The following IAH1 variants were observed in gnomAD, a reference collection of about 807,000 sequenced individuals.
IAH1 encodes isoamyl acetate-hydrolyzing esterase 1 homolog.
A neutral mutation model predicts 26.7 loss-of-function variants in IAH1; 24 were observed. That is an observed-to-expected ratio of 0.90 (90% CI 0.65 to 1.26). The LOEUF (loss-of-function observed/expected upper bound fraction) is 1.26, where lower values mean the gene tolerates loss of function less well. Ranked by LOEUF, IAH1 falls within the 50% of genes most tolerant of loss-of-function variation. IAH1 has a pLI of 0.00. For missense variants in IAH1, 300 were observed against 299.9 expected (o/e 1.00, Z 0.00); for synonymous variants, 140 against 118.5 (o/e 1.18, Z -1.18).
intron 5 of IAH1, 66 bp downstream of exon 5, chr2:9,484,616 G>T: frequency 9.3e-7 from 1 of 1,079,860 alleles, no homozygotes; most frequent in Non-Finnish European, 1.4e-6. Context: ...AGGTGTGTGT[G>T]CAGCAGCTTT....
At position 9,474,825 on chromosome 2, in the gene IAH1, C is replaced by T; in HGVS notation, c.81+178C>T. 1 of 534,530 alleles carries T rather than the reference C, an allele frequency of 1.9e-6. No individual in the cohort carries two copies. The highest frequency in any genetic ancestry group is 2.9e-6 in the Non-Finnish European group (1 of 341,024). 33.1% of individuals were successfully genotyped at this position (534,530 alleles called of 1,614,324 possible). On this transcript the variant is annotated intron_variant, in intron 1 of 5. Transcript: ENST00000497473. This position sits in a 1 kb window ranked among gnomAD's most constrained non-coding sequence, Gnocchi z 4.3. Reference sequence around the variant, plus strand: ...CCCCCAGTGGCTGCGCCTTCCGGGCCCGCGGCGTCCCGGAGGTCACGACGG... The same window carrying T: ...CCCCCAGTGGCTGCGCCTTCCGGGCTCGCGGCGTCCCGGAGGTCACGACGG...
exon 6 of IAH1, chr2:9,494,855 A>G: frequency 6.6e-7 from 1 of 1,507,946 alleles, no homozygotes; most frequent in South Asian, 1.2e-5. Context: ...CCATGCTCCC[A>G]AAGAGGTAAG....
chr2:9,482,882 T>G (rs1661267308), intron 4 of IAH1, among the ~76,000 whole-genome samples: 1 of 152,174 alleles, frequency 6.6e-6, no homozygotes, highest in African/African-American at 2.4e-5. Flanking sequence ...CCTATTGCTG[T>G]GCATGAGACA....
chr2:9,495,760 T>C (rs1662539388), intron 6 of IAH1, among the ~76,000 whole-genome samples: 1 of 151,936 alleles, frequency 6.6e-6, no homozygotes, highest in African/African-American at 2.4e-5. Context: ...TTATAAAATA[T>C]TTCTTGGACT....
the IAH1 span, chr2:9,505,179 C>G: frequency 2.5e-6 from 4 of 1,614,104 alleles, no homozygotes; most frequent in South Asian, 3.3e-5. Context: ...CACTGGACAC[C>G]TTCCTTCAAC....
In IAH1 at chr2:9,488,433, T is replaced by A. The variant is rs908085339; in HGVS notation, c.*104T>A. The A allele has an allele frequency of 8.6e-6, 7 of 818,316 alleles. No individual in the cohort carries two copies. Among genetic ancestry groups the A allele is most frequent in the Admixed American group, 3.1e-5 (1 of 32,734 alleles). The allele number at this position is 818,316 out of a possible 1,614,324, so 50.7% of individuals were successfully genotyped here. ...CAGGCTTAAACCTTTGCCACTGATA[T>A]TAATAATAAAAGTATTAGATGATTT... On this transcript the variant is annotated 3_prime_UTR_variant, in exon 6 of 6. Coordinates refer to ENST00000497473, the MANE Select transcript of IAH1 (RefSeq NM_001039613.3).
At chr2:9,507,847 G>A in the IAH1 span, among the ~76,000 whole-genome samples, 1 of 152,134 alleles carries the variant, frequency 6.6e-6, no homozygotes, top group Admixed American at 6.5e-5. Context: ...TGAGTAGCTG[G>A]GACTACAAGC....
At chr2:9,499,257 G>A (rs914486334), downstream of IAH1, among the ~76,000 whole-genome samples, 1 of 151,772 alleles carries the variant, frequency 6.6e-6, no homozygotes, top group African/African-American at 2.4e-5. Context: ...AAGAACAAAC[G>A]TTTTCAAATT....
intron 5 of IAH1, chr2:9,486,343 AGTT>A (rs1389857371): frequency 1.3e-5 from 2 of 152,104 alleles, no homozygotes; most frequent in Non-Finnish European, 2.9e-5. Context: ...CGACATCTAG[AGTT>A]CTGTTGTCTA....
Position 9,484,421 on chromosome 2 carries a change from C to A in IAH1, c.446-11C>A, listed in dbSNP as rs1355172311. 2 of 1,606,252 alleles carry A rather than the reference C, an allele frequency of 1.2e-6. No homozygotes were observed. Among genetic ancestry groups the A allele is most frequent in the Non-Finnish European group, 1.7e-6 (2 of 1,172,894 alleles). On this transcript the variant is annotated splice_polypyrimidine_tract_variant and intron_variant, in intron 4 of 5. Transcript: ENST00000497473. The stretch of plus-strand genomic sequence containing the variant: ...TTACCAACTGCCACCTCTATTTCTT[C>A]TCTTCAATAGGTTGCAAACTAAATC...
downstream of IAH1, chr2:9,490,644 T>C (rs1448087486): frequency 2.0e-6 from 2 of 1,008,888 alleles, no homozygotes; most frequent in Non-Finnish European, 2.8e-6. Context: ...AAAAAAGTGC[T>C]AGGTGAGGCT....
Position 9,474,560 on chromosome 2 carries a change from C to A in IAH1, c.-7C>A. 3 of 1,490,500 alleles carry A rather than the reference C, an allele frequency of 2.0e-6. No individual in the cohort carries two copies. Among genetic ancestry groups the A allele is most frequent in the Non-Finnish European group, 2.7e-6 (3 of 1,125,640 alleles). The allele number at this position is 1,490,500 out of a possible 1,614,324, so 92.3% of individuals were successfully genotyped here. On this transcript the variant is annotated 5_prime_UTR_variant, in exon 1 of 6. It adds an upstream start codon to the 5' untranslated region. Transcript: ENST00000497473. The surrounding 1 kb of genome is among the most constrained non-coding windows in gnomAD (Gnocchi z 4.3). ...GGCGGCCCCGCCCCGCCCCGCCCGG[C>A]TGCTCCATGGCGCTGTGCGAGGCCG... is the stretch of plus-strand genomic sequence containing the variant.
At chr2:9,476,424 C>A (rs1039071412) in intron 2 of IAH1, among the ~76,000 whole-genome samples, 3 of 152,236 alleles carry the variant, frequency 2.0e-5, no homozygotes, top group Non-Finnish European at 4.4e-5. Flanking sequence ...CTCACCTTGT[C>A]ACAATTCTAC....
chr2:9,500,374 G>T (rs909715222), downstream of IAH1, among the ~76,000 whole-genome samples: 3 of 152,198 alleles, frequency 2.0e-5, no homozygotes, highest in Non-Finnish European at 4.4e-5. Context: ...TAAAGAATAG[G>T]GTGGTTAGTG....
At chr2:9,501,413 C>T (rs766848708), downstream of IAH1, among the ~76,000 whole-genome samples, 9 of 152,134 alleles carry the variant, frequency 5.9e-5, no homozygotes, top group Non-Finnish European at 1.0e-4. Context: ...TCTGTGACTA[C>T]ACAATGACAC....
At chr2:9,474,545 C>CCCCGA, upstream of IAH1, 1 of 1,429,600 alleles carries the variant, frequency 7.0e-7, no homozygotes, top group Non-Finnish European at 9.2e-7. This position sits in a 1 kb window ranked among gnomAD's most constrained non-coding sequence, Gnocchi z 4.3. Flanking sequence ...GGCGGCCCCG[C>CCCCGA]CCCGCCCCGC....
rs754000420 is a variant in IAH1 at position 9,481,372 on chromosome 2, C to A, written c.370C>A (p.Pro124Thr). ...MVQYLKSVDI[P>T]ENRVILITPT... ...GCAGTACCTGAAGTCCGTGGACATCCCTGAGAATCGAGTCATTCTCATCAC... is the reference window on the plus strand; with the variant it reads ...GCAGTACCTGAAGTCCGTGGACATCACTGAGAATCGAGTCATTCTCATCAC... The change falls in exon 4 of 6, where the codon CCT becomes ACT. Residue 124 changes from proline to threonine, a missense_variant. By Grantham distance (38) the Pro-to-Thr change is conservative. Transcript: ENST00000497473. 111 of 1,614,018 alleles carry A rather than the reference C, an allele frequency of 6.9e-5. No individual in the cohort carries two copies. The highest frequency in any genetic ancestry group is 9.1e-5 in the Non-Finnish European group (107 of 1,180,002).
At chr2:9,484,109 C>T (rs1661342664) in intron 4 of IAH1, among the ~76,000 whole-genome samples, 1 of 152,194 alleles carries the variant, frequency 6.6e-6, no homozygotes, top group African/African-American at 2.4e-5. Context: ...CCGGCACTCT[C>T]CAAGCAGCCC....
downstream of IAH1, among the ~76,000 whole-genome samples, chr2:9,499,509 C>T (rs538799498): frequency 6.6e-6 from 1 of 152,086 alleles, no homozygotes; most frequent in Non-Finnish European, 1.5e-5. Flanking sequence ...TCACGCCATT[C>T]TCCTGCCTCA....
Sources: allele counts gnomAD v4.1 joint callset (sites outside exome capture counted in the v4.1 genomes callset), GRCh38; gene constraint gnomAD v4.1.1; non-coding constraint Gnocchi (gnomAD v3.1); transcripts MANE v1.5; gene names NCBI Gene and HGNC (gene_info 2026-07-23, HGNC 2026-07-21).